Variants in LPA observed in about 807,000 individuals in gnomAD.
LPA encodes the protein apolipoprotein(a).
LPA carries 199 observed loss-of-function variants against 197.9 expected under a neutral mutation model. The ratio of observed to expected loss-of-function variants is 1.01; its 90% CI spans 0.90 to 1.13. LPA has a LOEUF of 1.13. LPA is among the 50% of genes most tolerant of loss of function. The pLI is 0.00. For synonymous variants in LPA, 715 were observed against 639.5 expected (o/e 1.12, Z -1.78); for missense variants, 1,853 against 1,785.8 (o/e 1.04, Z -0.68).
At chr6:160,540,218 G>T (rs775316652) in intron 35 of LPA, 35 bp from the exon 36 acceptor site, 2 of 1,613,788 alleles carry the variant, frequency 1.2e-6, no homozygotes, top group Admixed American at 1.7e-5. Context: ...GAAAAATATG[G>T]TCCAGCCCCT....
At position 160,578,621 on chromosome 6, in the gene LPA, T is replaced by G; in HGVS notation, c.4373A>C (p.Glu1458Ala). ...CYTMDPSVRWEYCNLTRCPVT... is the reference protein window; with the variant it reads ...CYTMDPSVRWAYCNLTRCPVT... ...TGGACATCGTGTCAGGTTGCAGTAC[T>G]CCCACCTGACACTGGGATCCATGGT... is the stretch of plus-strand genomic sequence containing the variant. Residue 1458 changes from glutamate (E) to alanine (A), a missense_variant, in exon 27 of 39, where the codon GAG becomes GCG. Physicochemically the swap from Glu to Ala is moderately radical, Grantham distance 107. Coordinates refer to ENST00000316300, the MANE Select transcript of LPA (RefSeq NM_005577.4). The G allele has an allele frequency of 6.2e-7, 1 of 1,614,008 alleles. No individual in the cohort carries two copies.
chr6:160,604,662 C>G, intron 18 of LPA, among the ~76,000 whole-genome samples: 1 of 152,134 alleles, frequency 6.6e-6, no homozygotes, highest in Non-Finnish European at 1.5e-5. Context: ...TAAGCCAAAA[C>G]AGAAAACCCC....
Position 160,586,490 on chromosome 6 carries a change from G to T in LPA, c.4088C>A (p.Thr1363Lys), listed in dbSNP as rs201794466. The T allele has an allele frequency of 1.2e-6, 2 of 1,613,758 alleles. No individual in the cohort carries two copies. The highest frequency in any genetic ancestry group is 2.2e-5 in the South Asian group (2 of 91,082). ...CTCTGTGCTTGGAACTGGGACCACC[G>T]TGGGAGTTGTGAGGAGAGTTGATTC... ...VMESTLLTTP[T>K]VVPVPSTELP... The change falls in exon 25 of 39, where the codon ACG becomes AAG. Residue 1363 changes from threonine (T) to lysine (K), a missense_variant. By Grantham distance (78) the Thr-to-Lys change is moderately conservative. This residue lies in a region of LPA where 1,737 missense variants were observed against 1,504.4 expected (regional missense o/e 1.15). Coordinates refer to ENST00000316300, the MANE Select transcript of LPA (RefSeq NM_005577.4).
chr6:160,545,538 A>C lies in LPA; in HGVS notation c.5305-5T>G, dbSNP rs887983812. 42 of 1,587,368 alleles carry C rather than the reference A, an allele frequency of 2.6e-5. No homozygotes were observed. Among genetic ancestry groups the C allele is most frequent in the Non-Finnish European group, 3.1e-5 (36 of 1,155,696 alleles). On this transcript the variant is annotated splice_polypyrimidine_tract_variant and splice_region_variant and intron_variant, in intron 32 of 38. Coordinates refer to ENST00000316300, the MANE Select transcript of LPA (RefSeq NM_005577.4). ...ACCATCAGGGTTACGGCAGTACTGA[A>C]AACAAGCAGGCATGTAAGCTCCAGC...
intron 1 of LPA, among the ~76,000 whole-genome samples, chr6:160,656,996 A>G (rs1780143856): frequency 1.3e-5 from 2 of 152,288 alleles, no homozygotes; most frequent in Middle Eastern, 3.4e-3. Flanking sequence ...TCTGCTGTCT[A>G]TTATGGTAGT....
intron 20 of LPA, among the ~76,000 whole-genome samples, chr6:160,597,604 A>T (rs1339838023): frequency 6.6e-6 from 1 of 152,196 alleles, no homozygotes; most frequent in Non-Finnish European, 1.5e-5. Flanking sequence ...TTCATTTAAG[A>T]TATACCTTTT....
intron 1 of LPA, among the ~76,000 whole-genome samples, chr6:160,660,087 C>G (rs1445346422): frequency 6.6e-6 from 1 of 152,226 alleles, no homozygotes; most frequent in Non-Finnish European, 1.5e-5. Context: ...TTCTTTAACA[C>G]CTGTGATACA....
At chr6:160,563,681 T>C (rs1778400238) in intron 28 of LPA, among the ~76,000 whole-genome samples, 2 of 152,224 alleles carry the variant, frequency 1.3e-5, no homozygotes, top group African/African-American at 4.8e-5. Flanking sequence ...TCTCCCACTA[T>C]TTTTGTGTGG....
chr6:160,540,297 C>T (rs1777961217), intron 35 of LPA, 114 bp from the exon 36 acceptor site: 7 of 1,176,074 alleles, frequency 6.0e-6, no homozygotes, highest in Admixed American at 3.6e-5. Context: ...GAATCAGTGA[C>T]TTATGAGTGG....
At chr6:160,600,502 G>C (rs111686223) in intron 19 of LPA, among the ~76,000 whole-genome samples, 99 of 152,278 alleles carry the variant, frequency 6.5e-4, no homozygotes, top group African/African-American at 2.1e-3. Context: ...AGGATAACAG[G>C]ATCTAGAGCC....
At chr6:160,571,597 A>C (rs958873083) in intron 28 of LPA, among the ~76,000 whole-genome samples, 2 of 152,100 alleles carry the variant, frequency 1.3e-5, no homozygotes. Context: ...CTAGAGAGGC[A>C]CTCTTGCTAC....
chr6:160,663,735 T>A (rs1780263571), intron 1 of LPA, among the ~76,000 whole-genome samples: 1 of 152,212 alleles, frequency 6.6e-6, no homozygotes, highest in East Asian at 1.9e-4. Flanking sequence ...CATGAACAGG[T>A]CAAGGAACCA....
chr6:160,559,888 C>T (rs772855300), intron 28 of LPA, among the ~76,000 whole-genome samples: 2 of 151,998 alleles, frequency 1.3e-5, no homozygotes, highest in Non-Finnish European at 2.9e-5. Flanking sequence ...TTTGCTGCAC[C>T]CAGCAACCCA....
intron 18 of LPA, among the ~76,000 whole-genome samples, chr6:160,601,696 C>T (rs769075727): frequency 6.6e-6 from 1 of 152,162 alleles, no homozygotes; most frequent in Admixed American, 6.5e-5. Flanking sequence ...CTGTCGATAC[C>T]GTATCAGGTG....
chr6:160,579,279 T>C (rs1354221603), intron 26 of LPA, among the ~76,000 whole-genome samples: 2 of 152,114 alleles, frequency 1.3e-5, no homozygotes, highest in African/African-American at 4.8e-5. Flanking sequence ...ATGAAAATAG[T>C]ATTACTATAA....
intron 1 of LPA, among the ~76,000 whole-genome samples, chr6:160,653,463 C>T (rs944473648): frequency 6.6e-6 from 1 of 151,070 alleles, no homozygotes; most frequent in African/African-American, 2.4e-5. Flanking sequence ...AGAAGACAGT[C>T]TTTTGAAGAG....
chr6:160,584,926 T>G (rs369116423), intron 26 of LPA, 120 bp downstream of exon 26: 6 of 1,020,636 alleles, frequency 5.9e-6, no homozygotes, highest in South Asian at 1.3e-5. Context: ...CTGAGACATT[T>G]TGCTACAAAC....
intron 37 of LPA, among the ~76,000 whole-genome samples, chr6:160,533,374 G>A (rs965041503): frequency 9.9e-5 from 15 of 152,132 alleles, no homozygotes; most frequent in Admixed American, 9.2e-4. Flanking sequence ...CCTCACAACG[G>A]TCCTATGAAA....
intron 1 of LPA, among the ~76,000 whole-genome samples, chr6:160,651,696 A>AAGAC (rs1207773160): frequency 1.3e-5 from 2 of 152,198 alleles, no homozygotes; most frequent in East Asian, 3.8e-4. Context: ...TAAAGCAATC[A>AAGAC]AGACAGACAG....
Sources: allele counts gnomAD v4.1 joint callset (sites outside exome capture counted in the v4.1 genomes callset), GRCh38; gene constraint gnomAD v4.1.1; regional missense constraint gnomAD v4.1.1; transcripts MANE v1.5; gene names NCBI Gene and HGNC (gene_info 2026-07-23, HGNC 2026-07-21).